The following LGR6 variants were observed in gnomAD, a reference collection of about 807,000 sequenced individuals.
The protein encoded by LGR6 is leucine rich repeat containing G protein-coupled receptor 6.
Under a neutral mutation model 69.4 loss-of-function variants are expected in LGR6, and 45 were observed. The ratio of observed to expected loss-of-function variants is 0.65; its 90% confidence interval spans 0.51 to 0.83. LGR6 has a LOEUF of 0.83. Among genes scored for constraint, LGR6 ranks in the 40% least tolerant of loss-of-function variants. The pLI is 0.00. For synonymous variants in LGR6, 538 were observed against 555.0 expected (o/e 0.97, Z 0.43); for missense variants, 1,108 against 1,246.7 (o/e 0.89, Z 1.68).
intron 1 of LGR6, among the ~76,000 whole-genome samples, chr1:202,202,522 G>T (rs1362253614): frequency 6.6e-6 from 1 of 152,214 alleles, no homozygotes; most frequent in Non-Finnish European, 1.5e-5. Flanking sequence ...CTAAGTTCCA[G>T]CTCTAACCAG....
At chr1:202,304,456 C>CT in intron 10 of LGR6, 103 bp from the exon 11 acceptor site, 1 of 714,012 alleles carries the variant, frequency 1.4e-6, no homozygotes, top group East Asian at 2.8e-5. Flanking sequence ...CTTTTGTTAG[C>CT]TCCGTCATCC....
At chr1:202,232,581 T>C (rs1661176719) in intron 3 of LGR6, among the ~76,000 whole-genome samples, 1 of 152,110 alleles carries the variant, frequency 6.6e-6, no homozygotes, top group Non-Finnish European at 1.5e-5. Context: ...CCCAGGGCTG[T>C]GGAGGGCTGA....
chr1:202,307,060 G>C, intron 13 of LGR6, 121 bp downstream of exon 13: 1 of 859,606 alleles, frequency 1.2e-6, no homozygotes, highest in East Asian at 2.6e-5. Flanking sequence ...TCGCCTCCCA[G>C]CTCCACAGCC....
In LGR6 at chr1:202,304,547, T is replaced by A; in HGVS notation, c.999-12T>A. On this transcript the variant is annotated splice_polypyrimidine_tract_variant and intron_variant, in intron 10 of 17. Transcript: ENST00000367278. ...GGGCCTGGTGCCAGCTCTGTCTCTG[T>A]TCTCCCTGCAGGACCCTGACCCGCG... The A allele has an allele frequency of 2.5e-6, 4 of 1,593,728 alleles. No individual in the cohort carries two copies. Among genetic ancestry groups the A allele is most frequent in the Non-Finnish European group, 3.4e-6 (4 of 1,164,770 alleles).
At chr1:202,222,331 T>C (rs1172724105) in intron 1 of LGR6, among the ~76,000 whole-genome samples, 1 of 149,622 alleles carries the variant, frequency 6.7e-6, no homozygotes, top group Non-Finnish European at 1.5e-5. Flanking sequence ...GGGCAGGATG[T>C]GGGGGCGGGT....
In LGR6 at chr1:202,244,886, C is replaced by T. The variant is rs557235720; in HGVS notation, c.428+8893C>T. On this transcript the variant is annotated intron_variant, in intron 4 of 17. Coordinates refer to ENST00000367278, the MANE Select transcript of LGR6 (RefSeq NM_001017403.2). ...GGAGGGTTAGAGTGGGCAGTAGTCACGAGCCGGCTGTGCCCACCATGGGGG... is the reference window on the plus strand; with the variant it reads ...GGAGGGTTAGAGTGGGCAGTAGTCATGAGCCGGCTGTGCCCACCATGGGGG... 3.9e-5 allele frequency among the ~76,000 whole-genome samples: 6 copies of T among 152,288 alleles called. No individual in the cohort carries two copies. In the South Asian group the frequency reaches 1.0e-3, roughly 26 times the overall value.
intron 1 of LGR6, among the ~76,000 whole-genome samples, chr1:202,208,911 G>C (rs1007709171): frequency 9.2e-5 from 14 of 152,106 alleles, no homozygotes; most frequent in Admixed American, 6.5e-4. Context: ...GAGCCATAGG[G>C]GTAAAGAGTG....
At chr1:202,207,798 C>T (rs76197683) in intron 1 of LGR6, among the ~76,000 whole-genome samples, 4,146 of 152,254 alleles carry the variant, frequency 0.027, 85 homozygotes, top group Non-Finnish European at 0.037. Context: ...GTGCCTAGAA[C>T]GGCGTCTGGC....
chr1:202,200,020 CTCA>C (rs1558001404), intron 1 of LGR6, among the ~76,000 whole-genome samples: 2 of 152,230 alleles, frequency 1.3e-5, no homozygotes, highest in African/African-American at 4.8e-5. Context: ...ATGGCAGAGT[CTCA>C]TCTTCTGGAG....
chr1:202,195,083 C>T (rs1292508728), intron 1 of LGR6, among the ~76,000 whole-genome samples: 2 of 152,156 alleles, frequency 1.3e-5, no homozygotes, highest in African/African-American at 4.8e-5. Flanking sequence ...CACCTGCACC[C>T]CCAGCCCCGC....
chr1:202,220,474 C>T (rs936320374), intron 1 of LGR6, among the ~76,000 whole-genome samples: 1 of 152,218 alleles, frequency 6.6e-6, no homozygotes, highest in South Asian at 2.1e-4. Context: ...CCGCCTCAGC[C>T]TCCCAAAGTG....
intron 3 of LGR6, among the ~76,000 whole-genome samples, chr1:202,234,084 T>C (rs1042928336): frequency 6.6e-6 from 1 of 152,208 alleles, no homozygotes; most frequent in African/African-American, 2.4e-5. Context: ...GGGTGGAGCC[T>C]GGATTGAAGG....
intron 3 of LGR6, among the ~76,000 whole-genome samples, chr1:202,232,131 C>T (rs1558020876): frequency 6.6e-6 from 1 of 151,836 alleles, no homozygotes; most frequent in Non-Finnish European, 1.5e-5. Flanking sequence ...TTGTGCAGAC[C>T]TCCCAATACA....
At chr1:202,276,071 G>A (rs1665522065) in intron 4 of LGR6, among the ~76,000 whole-genome samples, 1 of 152,174 alleles carries the variant, frequency 6.6e-6, no homozygotes, top group Admixed American at 6.5e-5. Flanking sequence ...TTCAGCCTGG[G>A]CAACAGAGCG....
intron 1 of LGR6, among the ~76,000 whole-genome samples, chr1:202,205,847 CAA>C (rs1659198909): frequency 1.3e-5 from 1 of 79,550 alleles, no homozygotes; most frequent in Non-Finnish European, 2.8e-5. Flanking sequence ...ACACCTCCTT[CAA>C]ACACACACCT....
chr1:202,288,884 A>C (rs952768529), intron 6 of LGR6, among the ~76,000 whole-genome samples: 2 of 152,262 alleles, frequency 1.3e-5, no homozygotes, highest in East Asian at 3.9e-4. Context: ...GGTCAGGAAC[A>C]CCTCAGAGCC....
At chr1:202,309,367 C>G (rs750014659) in intron 15 of LGR6, among the ~76,000 whole-genome samples, 191 bp downstream of exon 15, 56 of 152,222 alleles carry the variant, frequency 3.7e-4, no homozygotes, top group Non-Finnish European at 6.9e-4. Context: ...TCCTCCTTAT[C>G]TCCTTGGTGG....
At chr1:202,205,988 A>ACAC (rs1383935990) in intron 1 of LGR6, among the ~76,000 whole-genome samples, 1 of 149,440 alleles carries the variant, frequency 6.7e-6, no homozygotes, top group Non-Finnish European at 1.5e-5. Flanking sequence ...ACACACACAC[A>ACAC]CCCCTAGTAT....
chr1:202,202,860 A>G (rs1416679471), intron 1 of LGR6, among the ~76,000 whole-genome samples: 1 of 152,124 alleles, frequency 6.6e-6, no homozygotes, highest in Non-Finnish European at 1.5e-5. Context: ...TTGCCCTTGG[A>G]GGTGCTGGAG....
Sources: allele counts gnomAD v4.1 joint callset (sites outside exome capture counted in the v4.1 genomes callset), GRCh38; gene constraint gnomAD v4.1.1; transcripts MANE v1.5; gene names NCBI Gene and HGNC (gene_info 2026-07-23, HGNC 2026-07-21).